The following MRGPRX4 variants were observed in gnomAD, a reference collection of about 807,000 sequenced individuals.
MRGPRX4 encodes the protein MAS related GPR family member X4.
In MRGPRX4, 13 loss-of-function variants were observed where a neutral mutation model predicts 17.8. The observed-to-expected ratio is 0.73, with a 90% CI of 0.48 to 1.16. The LOEUF (loss-of-function observed/expected upper bound fraction) is 1.16, where lower values mean the gene tolerates loss of function less well. MRGPRX4 is among the 50% of genes most tolerant of loss of function. The pLI is 0.00. For missense variants in MRGPRX4, 399 were observed against 405.0 expected (o/e 0.99, Z 0.13); for synonymous variants, 192 against 175.3 (o/e 1.10, Z -0.75).
Position 18,173,532 on chromosome 11 carries a change from T to A in MRGPRX4, c.276T>A (p.His92Gln). 6.2e-7 allele frequency: 1 copy of A among 1,614,100 alleles called. No homozygotes were observed. The highest frequency in any genetic ancestry group is 1.6e-4 in the Middle Eastern group (1 of 6,062). ...CATTACGCCTCATCAATATCAGCCATCTCATCCGCAAAATCCTCGTTTCTG... is the reference window on the plus strand; with the variant it reads ...CATTACGCCTCATCAATATCAGCCAACTCATCCGCAAAATCCTCGTTTCTG... ...RLPLRLINIS[H>Q]LIRKILVSVM... Residue 92 changes from histidine to glutamine, a missense_variant, in exon 1 of 1, where the codon CAT becomes CAA. Physicochemically the swap from His to Gln is conservative, Grantham distance 24. Coordinates refer to ENST00000314254, the MANE Select transcript of MRGPRX4 (RefSeq NM_054032.3).
In MRGPRX4 at chr11:18,173,552, T is replaced by A. The variant is rs1849341616; in HGVS notation, c.296T>A (p.Val99Asp). Reference protein sequence around the residue: ...NISHLIRKILVSVMTFPYFTG... With the variant: ...NISHLIRKILDSVMTFPYFTG... ...AGCCATCTCATCCGCAAAATCCTCG[T>A]TTCTGTGATGACCTTTCCCTACTTT... The change falls in exon 1 of 1, where the codon GTT (valine) becomes GAT (aspartate). Residue 99 changes from valine to aspartate, a missense_variant. Transcript: ENST00000314254. 1 of 1,614,002 alleles carries A rather than the reference T, an allele frequency of 6.2e-7. No homozygotes were observed. Among genetic ancestry groups the A allele is most frequent in the Non-Finnish European group, 8.5e-7 (1 of 1,180,022 alleles).
rs1849335298 is a variant in MRGPRX4 at position 18,173,094 on chromosome 11, A to C, written c.-163A>C. ...TTTCAAACTGGATTTGAGGACCCCC[A>C]CCTTTGGTAAGTGACTTATTATCTG... is the stretch of plus-strand genomic sequence containing the variant. On this transcript the variant is annotated 5_prime_UTR_variant, in exon 1 of 1. Coordinates refer to ENST00000314254, the MANE Select transcript of MRGPRX4 (RefSeq NM_054032.3). The C allele has an allele frequency of 4.2e-6, 4 of 962,606 alleles. No individual in the cohort carries two copies. The Admixed American group carries it at 7.5e-5, about 18-fold the overall frequency. The allele number at this position is 962,606 out of a possible 1,614,324, so 59.6% of individuals were successfully genotyped here.
Position 18,174,241 on chromosome 11 carries a change from C to G in MRGPRX4, c.*16C>G. 1 of 1,598,062 alleles carries G rather than the reference C, an allele frequency of 6.3e-7. No individual in the cohort carries two copies. Among genetic ancestry groups the G allele is most frequent in the Non-Finnish European group, 8.5e-7 (1 of 1,171,066 alleles). The stretch of plus-strand genomic sequence containing the variant: ...GGGGCCATGAGGGAGAGCCTCTGCC[C>G]TGTCAGTCAGACGGGACTTTGAGAG... On this transcript the variant is annotated 3_prime_UTR_variant, in exon 1 of 1. Coordinates refer to ENST00000314254, the MANE Select transcript of MRGPRX4 (RefSeq NM_054032.3).
Position 18,174,053 on chromosome 11 carries a change from G to A in MRGPRX4, c.797G>A (p.Ser266Asn), listed in dbSNP as rs763202315. The part of the protein sequence containing the change: ...VCMSLSSLNS[S>N]ANPIIYFFVG... ...ATGTCCCTGTCCTCTCTAAACAGTAGTGCCAACCCCATCATTTACTTCTTC... is the reference window on the plus strand; with the variant it reads ...ATGTCCCTGTCCTCTCTAAACAGTAATGCCAACCCCATCATTTACTTCTTC... Residue 266 changes from serine (S) to asparagine (N), a missense_variant, in exon 1 of 1, where the codon AGT (serine) becomes AAT (asparagine). By Grantham distance (46) the Ser-to-Asn change is conservative. Transcript: ENST00000314254. 28 of 1,614,076 alleles carry A rather than the reference G, an allele frequency of 1.7e-5. No individual in the cohort carries two copies. The highest frequency in any genetic ancestry group is 1.7e-6 in the Non-Finnish European group (2 of 1,180,044).
In MRGPRX4 at chr11:18,173,109, C is replaced by A; in HGVS notation, c.-148C>A. The A allele has an allele frequency of 8.9e-7, 1 of 1,118,288 alleles. No homozygotes were observed. The highest frequency in any genetic ancestry group is 1.3e-6 in the Non-Finnish European group (1 of 780,446). 69.3% of individuals were successfully genotyped at this position (1,118,288 alleles called of 1,614,324 possible). A position where few individuals can be genotyped will look rare whatever the true frequency, so the allele number is the denominator to read the frequency against. ...GAGGACCCCCACCTTTGGTAAGTGACTTATTATCTGCGAGCCTCTGTTTCT... is the reference window on the plus strand; with the variant it reads ...GAGGACCCCCACCTTTGGTAAGTGAATTATTATCTGCGAGCCTCTGTTTCT... On this transcript the variant is annotated 5_prime_UTR_variant, in exon 1 of 1. Transcript: ENST00000314254.
Position 18,172,994 on chromosome 11 carries a change from A to C in MRGPRX4, c.-263A>C, listed in dbSNP as rs1849334439. 4 of 456,594 alleles carry C rather than the reference A, an allele frequency of 8.8e-6. No individual in the cohort carries two copies. The highest frequency in any genetic ancestry group is 1.2e-5 in the Non-Finnish European group (3 of 257,794). 28.3% of individuals were successfully genotyped at this position (456,594 alleles called of 1,614,324 possible). A position where few individuals can be genotyped will look rare whatever the true frequency, so the allele number is the denominator to read the frequency against. ...GATGAGTGGGGGTGTTTTGATCCTAATGTTATTCCCATGTCAGCACAGAAC... is the reference window on the plus strand; with the variant it reads ...GATGAGTGGGGGTGTTTTGATCCTACTGTTATTCCCATGTCAGCACAGAAC... On this transcript the variant is annotated 5_prime_UTR_variant, in exon 1 of 1. It removes an upstream start codon present in the reference 5' UTR. Coordinates refer to ENST00000314254, the MANE Select transcript of MRGPRX4 (RefSeq NM_054032.3).
rs767806276 is a variant in MRGPRX4, at chr11:18,173,419, C to G, written c.163C>G (p.Arg55Gly). 3.7e-6 allele frequency: 6 copies of G among 1,614,020 alleles called. No individual in the cohort carries two copies. The highest frequency in any genetic ancestry group is 5.1e-6 in the Non-Finnish European group (6 of 1,180,030). ...GGTTGTGCTCTGGCTCCTGGGCTAC[C>G]GCATGCGCAGGAACGCTGTCTCCAT... is the stretch of plus-strand genomic sequence containing the variant. ...NAVVLWLLGYRMRRNAVSIYI... is the reference protein window; with the variant it reads ...NAVVLWLLGYGMRRNAVSIYI... The change falls in exon 1 of 1, where the codon CGC becomes GGC. Residue 55 changes from arginine to glycine, a missense_variant. Arg to Gly is a moderately radical substitution (Grantham distance 125). Coordinates refer to ENST00000314254, the MANE Select transcript of MRGPRX4 (RefSeq NM_054032.3).
In MRGPRX4 at chr11:18,174,140, T is replaced by C. The variant is rs766653120; in HGVS notation, c.884T>C (p.Leu295Pro). Reference sequence around the variant, plus strand: ...CTGAAGCTGGTTCTCCAGAGGGCTCTGCAGGACAAGCCTGAGGTGGATAAA... The same window carrying C: ...CTGAAGCTGGTTCTCCAGAGGGCTCCGCAGGACAAGCCTGAGGTGGATAAA... ...QNLKLVLQRA[L>P]QDKPEVDKGE... The change falls in exon 1 of 1, where the codon CTG becomes CCG. Residue 295 changes from leucine to proline, a missense_variant. Leu to Pro is a moderately conservative substitution (Grantham distance 98, BLOSUM62 -3). Coordinates refer to ENST00000314254, the MANE Select transcript of MRGPRX4 (RefSeq NM_054032.3). The C allele has an allele frequency of 1.7e-5, 28 of 1,614,112 alleles. 1 individual carries two copies. The East Asian group carries it at 5.8e-4, about 33-fold the overall frequency.
Position 18,173,422 on chromosome 11 carries a change from A to T in MRGPRX4, c.166A>T (p.Met56Leu). The change falls in exon 1 of 1, where the codon ATG (methionine) becomes TTG (leucine). Residue 56 changes from methionine to leucine, a missense_variant. Met to Leu is a conservative substitution (Grantham distance 15). Transcript: ENST00000314254. ...AVVLWLLGYRMRRNAVSIYIL... is the reference protein window; with the variant it reads ...AVVLWLLGYRLRRNAVSIYIL... ...TGTGCTCTGGCTCCTGGGCTACCGC[A>T]TGCGCAGGAACGCTGTCTCCATCTA... 6.2e-7 allele frequency: 1 copy of T among 1,614,160 alleles called. No individual in the cohort carries two copies. Among genetic ancestry groups the T allele is most frequent in the South Asian group, 1.1e-5 (1 of 91,076 alleles).
rs1849333692 is a variant in MRGPRX4 at position 18,172,908 on chromosome 11, C to T, written c.-349C>T. 9.2e-6 allele frequency: 2 copies of T among 218,544 alleles called. No homozygotes were observed. Among genetic ancestry groups the T allele is most frequent in the South Asian group, 2.5e-4 (2 of 8,106 alleles). 13.5% of individuals were successfully genotyped at this position (218,544 alleles called of 1,614,324 possible). On this transcript the variant is annotated 5_prime_UTR_variant, in exon 1 of 1. Coordinates refer to ENST00000314254, the MANE Select transcript of MRGPRX4 (RefSeq NM_054032.3). ...CACCTCTTTGTGTATCTGAATTCCT[C>T]CACCTGAAAGAAAATTTCAGACCCA...
chr11:18,173,768 G>C lies in MRGPRX4; in HGVS notation c.512G>C (p.Ser171Thr), dbSNP rs772784691. 2 of 1,614,048 alleles carry C rather than the reference G, an allele frequency of 1.2e-6. No homozygotes were observed. The highest frequency in any genetic ancestry group is 1.7e-5 in the Admixed American group (1 of 60,006). Residue 171 changes from serine to threonine, a missense_variant, in exon 1 of 1, where the codon AGT (serine) becomes ACT (threonine). By Grantham distance (58) the Ser-to-Thr change is moderately conservative. Transcript: ENST00000314254. ...CDFLFSGADS[S>T]WCETSDFIPV... is the part of the protein sequence containing the mutation. ...TTCCTGTTTAGTGGTGCTGATTCTA[G>C]TTGGTGTGAAACGTCAGATTTCATC...
At position 18,173,384 on chromosome 11, in the gene MRGPRX4, C is replaced by T. The variant is rs564125732; in HGVS notation, c.128C>T (p.Thr43Ile). The change falls in exon 1 of 1, where the codon ACA becomes ATA. Residue 43 changes from threonine (T) to isoleucine (I), a missense_variant. Transcript: ENST00000314254. ...LTCIISLVGL[T>I]GNAVVLWLLG... is the part of the protein sequence containing the mutation. ...TGCATCATTTCCCTTGTCGGACTGA[C>T]AGGAAACGCGGTTGTGCTCTGGCTC... 6.2e-7 allele frequency: 1 copy of T among 1,614,172 alleles called. No individual in the cohort carries two copies. Among genetic ancestry groups the T allele is most frequent in the African/African-American group, 1.3e-5 (1 of 75,040 alleles).
Position 18,173,270 on chromosome 11 carries a change from T to C in MRGPRX4, c.14T>C (p.Val5Ala). The C allele has an allele frequency of 1.9e-6, 3 of 1,603,398 alleles. No homozygotes were observed. The highest frequency in any genetic ancestry group is 2.6e-6 in the Non-Finnish European group (3 of 1,174,094). ...GGGTTTCTGAGCATGGATCCAACCGTCCCAGTCTTCGGTACAAAACTGACA... is the reference window on the plus strand; with the variant it reads ...GGGTTTCTGAGCATGGATCCAACCGCCCCAGTCTTCGGTACAAAACTGACA... Reference protein sequence around the residue: MDPTVPVFGTKLTPI... With the variant: MDPTAPVFGTKLTPI... The change falls in exon 1 of 1, where the codon GTC (valine) becomes GCC (alanine). Residue 5 changes from valine (V) to alanine (A), a missense_variant. Val to Ala is a moderately conservative substitution (Grantham distance 64, BLOSUM62 0). Coordinates refer to ENST00000314254, the MANE Select transcript of MRGPRX4 (RefSeq NM_054032.3).
rs776405349 is a variant in MRGPRX4 at position 18,173,676 on chromosome 11, G to A, written c.420G>A (p.Ala140=). 1 of 1,614,138 alleles carries A rather than the reference G, an allele frequency of 6.2e-7. No individual in the cohort carries two copies. The highest frequency in any genetic ancestry group is 2.2e-5 in the East Asian group (1 of 44,882). The change falls in exon 1 of 1, where the codon GCG becomes GCA. Residue 140 remains alanine, a synonymous_variant. Transcript: ENST00000314254. ...GCCGCCGCCCCACACACCTGTCAGC[G>A]GTCGTGTGTGTCCTGCTCTGGGGCC... ...YRCRRPTHLS[A]VVCVLLWGLS...
In MRGPRX4 at chr11:18,173,650, T is replaced by G. The variant is rs1464229244; in HGVS notation, c.394T>G (p.Cys132Gly). 1.2e-6 allele frequency: 2 copies of G among 1,614,174 alleles called. No individual in the cohort carries two copies. The highest frequency in any genetic ancestry group is 2.2e-5 in the South Asian group (2 of 91,080). Residue 132 changes from cysteine to glycine, a missense_variant, in exon 1 of 1, where the codon TGC (cysteine) becomes GGC (glycine). Transcript: ENST00000314254. ...TGTTCTGTGGCCCATCTGGTACCGC[T>G]GCCGCCGCCCCACACACCTGTCAGC... ...LSVLWPIWYR[C>G]RRPTHLSAVV...
Position 18,173,322 on chromosome 11 carries a change from T to G in MRGPRX4, c.66T>G (p.Pro22=). The G allele has an allele frequency of 1.4e-5, 23 of 1,614,056 alleles. No individual in the cohort carries two copies. The highest frequency in any genetic ancestry group is 1.9e-5 in the Non-Finnish European group (23 of 1,179,998). ...CAATCAACGGACGTGAGGAGACTCC[T>G]TGCTACAATCAGACCCTGAGCTTCA... The part of the protein sequence containing the change: ...LTPINGREET[P]CYNQTLSFTV... The change falls in exon 1 of 1, where the codon CCT becomes CCG. Residue 22 remains proline, a synonymous_variant. Transcript: ENST00000314254.
chr11:18,173,890 A>G lies in MRGPRX4; in HGVS notation c.634A>G (p.Thr212Ala). 3.1e-6 allele frequency: 5 copies of G among 1,614,074 alleles called. No individual in the cohort carries two copies. Among genetic ancestry groups the G allele is most frequent in the Non-Finnish European group, 4.2e-6 (5 of 1,179,980 alleles). Residue 212 changes from threonine to alanine, a missense_variant, in exon 1 of 1, where the codon ACC becomes GCC. By Grantham distance (58) the Thr-to-Ala change is moderately conservative (BLOSUM62 0). Coordinates refer to ENST00000314254, the MANE Select transcript of MRGPRX4 (RefSeq NM_054032.3). ...CTGTGGATCCCGGAAGATGCCGCTGACCAGGCTGTACGTGACCATCCTGCT... is the reference window on the plus strand; with the variant it reads ...CTGTGGATCCCGGAAGATGCCGCTGGCCAGGCTGTACGTGACCATCCTGCT... ...ILCGSRKMPLTRLYVTILLTV... is the reference protein window; with the variant it reads ...ILCGSRKMPLARLYVTILLTV...
rs977619871 is a variant in MRGPRX4 at position 18,173,124 on chromosome 11, C to T, written c.-133C>T. On this transcript the variant is annotated 5_prime_UTR_variant, in exon 1 of 1. Transcript: ENST00000314254. ...TGGTAAGTGACTTATTATCTGCGAG[C>T]CTCTGTTTCTCTCTTCTTTAAATGA... The T allele has an allele frequency of 2.5e-5, 31 of 1,228,178 alleles. No homozygotes were observed. Among genetic ancestry groups the T allele is most frequent in the Non-Finnish European group, 3.5e-5 (31 of 878,382 alleles). The allele number at this position is 1,228,178 out of a possible 1,614,324, so 76.1% of individuals were successfully genotyped here.
rs1444628507 is a variant in MRGPRX4, at chr11:18,173,953, G to A, written c.697G>A (p.Gly233Ser). Residue 233 changes from glycine (G) to serine (S), a missense_variant, in exon 1 of 1, where the codon GGC (glycine) becomes AGC (serine). Physicochemically the swap from Gly to Ser is moderately conservative, Grantham distance 56. Transcript: ENST00000314254. Reference protein sequence around the residue: ...LVFLLCGLPFGILGALIYRMH... With the variant: ...LVFLLCGLPFSILGALIYRMH... Reference sequence around the variant, plus strand: ...CTTCCTCCTCTGCGGCCTGCCCTTCGGCATTCTGGGGGCCCTAATTTACAG... The same window carrying A: ...CTTCCTCCTCTGCGGCCTGCCCTTCAGCATTCTGGGGGCCCTAATTTACAG... The A allele has an allele frequency of 1.4e-5, 22 of 1,614,160 alleles. No homozygotes were observed. Among genetic ancestry groups the A allele is most frequent in the Non-Finnish European group, 1.9e-5 (22 of 1,180,028 alleles).
Sources: allele counts gnomAD v4.1 joint callset, GRCh38; gene constraint gnomAD v4.1.1; transcripts MANE v1.5; gene names NCBI Gene and HGNC (gene_info 2026-07-23, HGNC 2026-07-21).